RELN: variants seen among roughly 807,000 people sequenced by gnomAD.
RELN encodes the protein reelin.
Under a neutral mutation model 427.6 loss-of-function variants are expected in RELN, and 108 were observed. The ratio of observed to expected loss-of-function variants is 0.25; its 90% CI spans 0.22 to 0.30. The LOEUF is 0.30. RELN is among the 10% of genes least tolerant of loss of function. The probability of loss-of-function intolerance (pLI) is 1.00; values close to 1 mark genes in which losing one functional copy is unlikely to be tolerated. For missense variants in RELN, 3,715 were observed against 4,302.8 expected, an observed-to-expected ratio of 0.86 and a Z score of 3.82; for synonymous variants, 1,524 against 1,513.4, an observed-to-expected ratio of 1.01 and a Z score of -0.16.
chr7:103,517,321 T>A (rs1397628580), intron 49 of RELN, among the ~76,000 whole-genome samples: 3 of 152,164 alleles, frequency 2.0e-5, no homozygotes, highest in South Asian at 2.1e-4. Flanking sequence ...TGATCTTTTA[T>A]CTCTATTTTT....
intron 49 of RELN, among the ~76,000 whole-genome samples, chr7:103,515,840 C>T (rs929474159): frequency 6.6e-5 from 10 of 152,234 alleles, no homozygotes; most frequent in Non-Finnish European, 1.0e-4. Context: ...TCCCTGGCAC[C>T]TTGTTTTCAC....
At position 103,522,079 on chromosome 7, in the gene RELN, C is replaced by T; in HGVS notation, c.7611G>A (p.Gly2537=). Residue 2537 remains glycine (G), a synonymous_variant, in exon 48 of 65, where the codon GGG becomes GGA. Coordinates refer to ENST00000428762, the MANE Select transcript of RELN (RefSeq NM_005045.4). ...SSQNWLTVNG[G]KLSTVCGAVA... ...CGGCTCCACACACTGTACTCAATTT[C>T]CCTCCGTTCACAGTCAGCCAGTTCT... 1 of 1,614,096 alleles carries T rather than the reference C, an allele frequency of 6.2e-7. No individual in the cohort carries two copies. Among genetic ancestry groups the T allele is most frequent in the Admixed American group, 1.7e-5 (1 of 60,012 alleles).
intron 3 of RELN, among the ~76,000 whole-genome samples, chr7:103,811,290 A>G (rs1200800339): frequency 6.6e-6 from 1 of 152,196 alleles, no homozygotes; most frequent in Non-Finnish European, 1.5e-5. Flanking sequence ...CAAAGTGTAG[A>G]GCAACCTATT....
chr7:103,547,778 T>C (rs1365335599), intron 41 of RELN, among the ~76,000 whole-genome samples: 3 of 152,248 alleles, frequency 2.0e-5, no homozygotes, highest in Admixed American at 2.0e-4. Context: ...AGGATTTTTT[T>C]TGAACTTCTT....
At chr7:103,827,121 G>T (rs1400808117) in intron 3 of RELN, among the ~76,000 whole-genome samples, 1 of 151,430 alleles carries the variant, frequency 6.6e-6, no homozygotes, top group Non-Finnish European at 1.5e-5. Context: ...ACTATTTGCT[G>T]CGGCATAAAA....
chr7:103,635,301 A>G, intron 19 of RELN, 124 bp downstream of exon 19: 1 of 1,035,640 alleles, frequency 9.7e-7, no homozygotes, highest in Non-Finnish European at 1.4e-6. Flanking sequence ...TGCAAGACAC[A>G]TCAATCTTTG....
At chr7:103,747,943 A>T (rs187715625) in intron 6 of RELN, among the ~76,000 whole-genome samples, 1 of 151,956 alleles carries the variant, frequency 6.6e-6, no homozygotes, top group Non-Finnish European at 1.5e-5. Context: ...TTTAAACAAC[A>T]ACAGAATTTG....
intron 2 of RELN, among the ~76,000 whole-genome samples, chr7:103,862,721 T>C (rs562706095): frequency 5.0e-4 from 76 of 152,230 alleles, no homozygotes; most frequent in African/African-American, 1.7e-3. Flanking sequence ...TCAAATGTAT[T>C]GAAACAGAAA....
At chr7:103,875,816 T>C (rs1794465271) in intron 2 of RELN, among the ~76,000 whole-genome samples, 1 of 152,068 alleles carries the variant, frequency 6.6e-6, no homozygotes, top group South Asian at 2.1e-4. Context: ...TAAATGAAAT[T>C]TCCTTGGAGA....
chr7:103,894,655 G>A (rs181497576), intron 2 of RELN, among the ~76,000 whole-genome samples: 104 of 152,200 alleles, frequency 6.8e-4, no homozygotes, highest in African/African-American at 2.2e-3. Context: ...TCCAGTTACC[G>A]ATTTCGTGCA....
At position 103,907,400 on chromosome 7, in the gene RELN, A is replaced by G. The variant is rs185623143; in HGVS notation, c.337+9675T>C. On this transcript the variant is annotated intron_variant, in intron 2 of 64. Coordinates refer to ENST00000428762, the MANE Select transcript of RELN (RefSeq NM_005045.4). The stretch of plus-strand genomic sequence containing the variant: ...GCCACTGCACTCCAGCCTGGGCAAC[A>G]AGATCAAGGCTCTGGAAAAAAAAAA... Among the ~76,000 whole-genome samples, 32 of 143,314 alleles carry G rather than the reference A, an allele frequency of 2.2e-4. No individual in the cohort carries two copies. The East Asian group carries it at 6.5e-3, about 29-fold the overall frequency. 94.0% of individuals were successfully genotyped at this position (143,314 alleles called of 152,430 possible). A position where few individuals can be genotyped will look rare whatever the true frequency, so the allele number is the denominator to read the frequency against.
At chr7:103,476,570 C>T (rs886446830) in intron 64 of RELN, among the ~76,000 whole-genome samples, 1 of 152,154 alleles carries the variant, frequency 6.6e-6, no homozygotes, top group African/African-American at 2.4e-5. Flanking sequence ...ATATAAAAAT[C>T]TTTTGAGTCA....
chr7:103,604,199 A>C (rs140956358), intron 23 of RELN, 147 bp downstream of exon 23: 2 of 905,886 alleles, frequency 2.2e-6, no homozygotes, highest in Non-Finnish European at 3.5e-6. Flanking sequence ...TTACATCTAA[A>C]ATACAAACAG....
intron 8 of RELN, among the ~76,000 whole-genome samples, chr7:103,702,652 C>A (rs1482381077): frequency 6.6e-6 from 1 of 152,174 alleles, no homozygotes; most frequent in African/African-American, 2.4e-5. Context: ...ACGCACCCAG[C>A]AGATGACTCA....
Position 103,566,758 on chromosome 7 carries a change from C to A in RELN, c.4590G>T (p.Gly1530=). The A allele has an allele frequency of 6.2e-7, 1 of 1,613,820 alleles. No homozygotes were observed. Among genetic ancestry groups the A allele is most frequent in the South Asian group, 1.1e-5 (1 of 91,070 alleles). Residue 1530 remains glycine, a splice_region_variant and synonymous_variant, in exon 32 of 65, where the codon GGG becomes GGT. Transcript: ENST00000428762. ...TGTCATTTGAATACTGAACAATAAG[C>A]CCTGAGTTAAAAGACATAAATCCAG... is the stretch of plus-strand genomic sequence containing the variant. ...TCIKPRTRNE[G]LIVQYSNDNG...
chr7:103,939,103 C>T (rs768615562), intron 1 of RELN, among the ~76,000 whole-genome samples: 9 of 152,034 alleles, frequency 5.9e-5, no homozygotes, highest in African/African-American at 1.2e-4. Context: ...CCCGCCACCA[C>T]GCCTGGCTAA....
At position 103,977,711 on chromosome 7, in the gene RELN, A is replaced by T. The variant is rs1040301210; in HGVS notation, c.226+11420T>A. On this transcript the variant is annotated intron_variant, in intron 1 of 64. Coordinates refer to ENST00000428762, the MANE Select transcript of RELN (RefSeq NM_005045.4). ...CCACTCCCTTCTCCTTGAGACACGA[A>T]TCATTTCTACATCTGTTTGGATTTT... Among the ~76,000 whole-genome samples, 42 of 152,062 alleles carry T rather than the reference A, an allele frequency of 2.8e-4. 1 individual carries two copies. The highest frequency in any genetic ancestry group is 2.4e-3 in the Admixed American group (37 of 15,264).
chr7:103,833,816 T>A, intron 2 of RELN, 144 bp from the exon 3 acceptor site: 1 of 767,488 alleles, frequency 1.3e-6, no homozygotes. Flanking sequence ...AATTTTTCAC[T>A]TTTTATTGCT....
intron 4 of RELN, among the ~76,000 whole-genome samples, chr7:103,771,715 A>G (rs995648346): frequency 6.6e-5 from 10 of 151,982 alleles, no homozygotes; most frequent in African/African-American, 2.4e-4. Context: ...TCTCACCTGC[A>G]CCCCCATACC....
Sources: gnomAD v4.1 joint callset for allele counts (sites outside exome capture counted in the v4.1 genomes callset) on GRCh38, gnomAD v4.1.1 for gene constraint, MANE v1.5 for transcripts, NCBI Gene and HGNC (gene_info 2026-07-23, HGNC 2026-07-21) for gene names.